SYNDIG1: variants seen among roughly 807,000 people sequenced by gnomAD.
The protein encoded by SYNDIG1 is synapse differentiation-inducing gene protein 1.
Under a neutral mutation model 19.4 loss-of-function variants are expected in SYNDIG1, and 9 were observed. The ratio of observed to expected loss-of-function variants is 0.46; its 90% CI spans 0.28 to 0.81. The LOEUF is 0.81. Ranked by LOEUF, SYNDIG1 falls within the 30% of genes least tolerant of loss-of-function variation. SYNDIG1 has a pLI of 0.12. For missense variants in SYNDIG1, 311 were observed against 343.3 expected, an observed-to-expected ratio of 0.91 and a Z score of 0.74; for synonymous variants, 141 against 145.9, an observed-to-expected ratio of 0.97 and a Z score of 0.24.
At chr20:24,480,010 C>T (rs540566240) in intron 1 of SYNDIG1, among the ~76,000 whole-genome samples, 62 of 152,322 alleles carry the variant, frequency 4.1e-4, no homozygotes, top group African/African-American at 1.1e-3. Flanking sequence ...CACGTGCACG[C>T]GCGCACGCAC....
intron 3 of SYNDIG1, among the ~76,000 whole-genome samples, chr20:24,605,576 T>C (rs2058746097): frequency 6.6e-6 from 1 of 152,232 alleles, no homozygotes; most frequent in Non-Finnish European, 1.5e-5. Context: ...TCAGATTTCT[T>C]ATGTATTTTT....
At chr20:24,598,242 C>T (rs2058626467) in intron 3 of SYNDIG1, among the ~76,000 whole-genome samples, 1 of 151,886 alleles carries the variant, frequency 6.6e-6, no homozygotes, top group African/African-American at 2.4e-5. Context: ...GCAGCAAGGG[C>T]AAAGTGCTTT....
rs1239359909 is a variant in SYNDIG1 at position 24,553,262 on chromosome 20, C to T, written c.480+9685C>T. ...AAATTTTCTCCCATTTTGTAGGTTG[C>T]CTGTTCACTCTGATGGTAGTTTCTT... On this transcript the variant is annotated intron_variant, in intron 2 of 3. Transcript: ENST00000376862. Among the ~76,000 whole-genome samples, 176 of 152,060 alleles carry T rather than the reference C, an allele frequency of 1.2e-3. 1 individual carries two copies. In the Middle Eastern group the frequency reaches 0.014, roughly 12 times the overall value.
chr20:24,494,818 C>T (rs547890728), intron 1 of SYNDIG1, among the ~76,000 whole-genome samples: 1 of 152,188 alleles, frequency 6.6e-6, no homozygotes, highest in Non-Finnish European at 1.5e-5. Context: ...TGAGAGAGGA[C>T]CTGGTGGCCT....
intron 2 of SYNDIG1, among the ~76,000 whole-genome samples, chr20:24,547,526 G>C (rs111948501): frequency 6.6e-6 from 1 of 152,122 alleles, no homozygotes; most frequent in Non-Finnish European, 1.5e-5. Flanking sequence ...GGGGCTTTGC[G>C]GGAGTGCAGA....
intron 3 of SYNDIG1, among the ~76,000 whole-genome samples, chr20:24,606,583 A>G (rs1430656712): frequency 1.3e-5 from 2 of 152,230 alleles, no homozygotes; most frequent in African/African-American, 4.8e-5. Context: ...TGAATTAGAA[A>G]TGTCCATCTG....
intron 3 of SYNDIG1, among the ~76,000 whole-genome samples, chr20:24,641,038 C>T (rs2059370984): frequency 6.6e-6 from 1 of 152,200 alleles, no homozygotes; most frequent in Non-Finnish European, 1.5e-5. Flanking sequence ...CTTAAACCTC[C>T]TCATTTGTTC....
intron 2 of SYNDIG1, 116 bp downstream of exon 2, chr20:24,543,693 C>T: frequency 3.5e-6 from 5 of 1,431,452 alleles, no homozygotes; most frequent in Non-Finnish European, 4.7e-6. Context: ...TGCAAAAATG[C>T]AGAAACCAAA....
chr20:24,473,763 A>G (rs1051674343), intron 1 of SYNDIG1, among the ~76,000 whole-genome samples: 11 of 152,238 alleles, frequency 7.2e-5, no homozygotes, highest in Admixed American at 2.0e-4. Context: ...CCATGTGAAT[A>G]CAAATTTACC....
chr20:24,626,494 C>T (rs1483852547), intron 3 of SYNDIG1, among the ~76,000 whole-genome samples: 10 of 151,878 alleles, frequency 6.6e-5, no homozygotes, highest in South Asian at 2.1e-4. Flanking sequence ...CGGGCAGAGA[C>T]GCTTCTCACT....
At chr20:24,663,821 G>A (rs1026615543) in intron 3 of SYNDIG1, among the ~76,000 whole-genome samples, 52 of 152,090 alleles carry the variant, frequency 3.4e-4, no homozygotes, top group African/African-American at 1.2e-3. Flanking sequence ...ATCATGGCGG[G>A]GACACAAAGC....
Position 24,557,642 on chromosome 20 carries a change from T to G in SYNDIG1, c.480+14065T>G, listed in dbSNP as rs183559226. 2.3e-3 allele frequency among the ~76,000 whole-genome samples: 355 copies of G among 152,310 alleles called. 2 individuals carry two copies. Among genetic ancestry groups the G allele is most frequent in the African/African-American group, 8.1e-3 (336 of 41,566 alleles). ...GTGGATTTTCGTGAACCTCGAATGC[T>G]GCTGTCTGATCGTTCCTCTGGAAGT... On this transcript the variant is annotated intron_variant, in intron 2 of 3. Transcript: ENST00000376862.
chr20:24,509,672 G>T (rs1045879843), intron 1 of SYNDIG1, among the ~76,000 whole-genome samples: 1 of 152,142 alleles, frequency 6.6e-6, no homozygotes, highest in African/African-American at 2.4e-5. Flanking sequence ...GGTTCATTCA[G>T]TTTTTGTACA....
intron 2 of SYNDIG1, among the ~76,000 whole-genome samples, chr20:24,557,775 A>G (rs2057853889): frequency 6.6e-6 from 1 of 152,050 alleles, no homozygotes; most frequent in South Asian, 2.1e-4. Flanking sequence ...CCACTTGAGG[A>G]GTCAGTCTGC....
intron 1 of SYNDIG1, among the ~76,000 whole-genome samples, chr20:24,480,919 A>C (rs1421701511): frequency 6.6e-6 from 1 of 152,194 alleles, no homozygotes; most frequent in East Asian, 1.9e-4. Flanking sequence ...ACATACTGAG[A>C]GTTCTCAAAC....
chr20:24,605,370 T>G (rs2058741341), intron 3 of SYNDIG1, among the ~76,000 whole-genome samples: 1 of 152,222 alleles, frequency 6.6e-6, no homozygotes, highest in South Asian at 2.1e-4. Flanking sequence ...TATTTTAACT[T>G]GTATCAGGGA....
chr20:24,550,017 C>T (rs2057674149), intron 2 of SYNDIG1, among the ~76,000 whole-genome samples: 1 of 152,152 alleles, frequency 6.6e-6, no homozygotes, highest in Non-Finnish European at 1.5e-5. Flanking sequence ...CTTCTGGGTC[C>T]TGGGTTTCAG....
At chr20:24,655,983 G>C (rs980437948) in intron 3 of SYNDIG1, among the ~76,000 whole-genome samples, 1 of 152,208 alleles carries the variant, frequency 6.6e-6, no homozygotes, top group South Asian at 2.1e-4. Flanking sequence ...ACACCATCGT[G>C]CGTGTACTAT....
intron 1 of SYNDIG1, among the ~76,000 whole-genome samples, chr20:24,483,448 A>T (rs2055854598): frequency 6.6e-6 from 1 of 152,186 alleles, no homozygotes; most frequent in South Asian, 2.1e-4. Flanking sequence ...TTTGACTGAA[A>T]ATCTGTTTCT....
Sources: allele counts gnomAD v4.1 joint callset (sites outside exome capture counted in the v4.1 genomes callset), GRCh38; gene constraint gnomAD v4.1.1; transcripts MANE v1.5; gene names NCBI Gene and HGNC (gene_info 2026-07-23, HGNC 2026-07-21).